CEP152: variants seen among roughly 807,000 people sequenced by gnomAD.
CEP152 encodes the protein centrosomal protein of 152 kDa.
Under a neutral mutation model 188.9 loss-of-function variants are expected in CEP152, and 132 were observed. The observed-to-expected ratio is 0.70, with a 90% CI of 0.61 to 0.81. The LOEUF (loss-of-function observed/expected upper bound fraction) is 0.81. Among genes scored for constraint, CEP152 ranks in the 30% least tolerant of loss-of-function variants. CEP152 has a pLI of 0.00. For synonymous variants in CEP152, 649 were observed against 666.6 expected (o/e 0.97, Z 0.41); for missense variants, 1,914 against 1,969.8 (o/e 0.97, Z 0.54).
In CEP152 at chr15:48,767,363, CCTCAAAGAGCTGCTGCTT is replaced by C; in HGVS notation, c.2101_2118del (p.Lys701_Glu706del). ...AGTTGCAAATGAGTTCTCTCATAAG[CCTCAAAGAGCTGCTGCTT>C]CTCCAAAGCATGCTTTGCTAATAGG... On this transcript the variant is annotated inframe_deletion, in exon 16 of 27. Coordinates refer to ENST00000380950, the MANE Select transcript of CEP152 (RefSeq NM_001194998.2). 2 of 1,614,188 alleles carry C rather than the reference CCTCAAAGAGCTGCTGCTT, an allele frequency of 1.2e-6. No individual in the cohort carries two copies. The highest frequency in any genetic ancestry group is 1.7e-6 in the Non-Finnish European group (2 of 1,180,018).
intron 13 of CEP152, among the ~76,000 whole-genome samples, chr15:48,769,962 C>G (rs1200063818): frequency 6.6e-6 from 1 of 152,160 alleles, no homozygotes; most frequent in Non-Finnish European, 1.5e-5. Flanking sequence ...GAATATCTAA[C>G]AATTGCTTTC....
intron 17 of CEP152, among the ~76,000 whole-genome samples, chr15:48,765,316 C>T (rs193162487): frequency 4.6e-5 from 7 of 152,174 alleles, no homozygotes; most frequent in African/African-American, 1.2e-4. Flanking sequence ...TAGAACTATA[C>T]GCCCAGTGGT....
intron 24 of CEP152, among the ~76,000 whole-genome samples, chr15:48,743,970 A>G (rs2140579774): frequency 6.6e-6 from 1 of 152,346 alleles, no homozygotes; most frequent in Non-Finnish European, 1.5e-5. Flanking sequence ...TTAACTTTTC[A>G]GTTTAATACT....
At chr15:48,783,155 G>A (rs1261665146) in intron 10 of CEP152, 1 of 152,132 alleles carries the variant, frequency 6.6e-6, no homozygotes, top group African/African-American at 2.4e-5. Context: ...CTACTTACCA[G>A]CAAACAGGGA....
chr15:48,765,127 C>G lies in CEP152; in HGVS notation c.2280+1933G>C, dbSNP rs1268787388. The stretch of plus-strand genomic sequence containing the variant: ...GCTTATATAATTCTATAGTAAAAAA[C>G]TAATGAATTCCCAGAGAGGGAAGAA... On this transcript the variant is annotated intron_variant, in intron 17 of 26. Coordinates refer to ENST00000380950, the MANE Select transcript of CEP152 (RefSeq NM_001194998.2). Among the ~76,000 whole-genome samples the G allele has an allele frequency of 2.0e-5, 3 of 152,012 alleles. No homozygotes were observed. The East Asian group carries it at 5.8e-4, about 29-fold the overall frequency.
intron 2 of CEP152, among the ~76,000 whole-genome samples, chr15:48,798,441 C>G (rs1897465177): frequency 6.6e-6 from 1 of 152,084 alleles, no homozygotes; most frequent in Non-Finnish European, 1.5e-5. Context: ...GGGGAATTGA[C>G]AATTAGGCAT....
At chr15:48,745,170 A>T (rs779746463) in intron 22 of CEP152, among the ~76,000 whole-genome samples, 178 bp from the exon 23 acceptor site, 75 of 151,840 alleles carry the variant, frequency 4.9e-4, no homozygotes, top group Non-Finnish European at 1.0e-3. Context: ...TTTTCTCAGC[A>T]CTTAAAATCT....
At chr15:48,764,673 C>G (rs1894927716) in intron 17 of CEP152, among the ~76,000 whole-genome samples, 1 of 152,106 alleles carries the variant, frequency 6.6e-6, no homozygotes, top group Non-Finnish European at 1.5e-5. Flanking sequence ...TTTTTTCCCC[C>G]TTTCTCTCAA....
At position 48,772,314 on chromosome 15, in the gene CEP152, G is replaced by A. The variant is rs536322494; in HGVS notation, c.1782+173C>T. On this transcript the variant is annotated intron_variant, in intron 13 of 26. Transcript: ENST00000380950. The stretch of plus-strand genomic sequence containing the variant: ...TGGTCCCAGCTACTCAGGAGGCTGA[G>A]GTGGGAGCATCGCTTTAGCCTGGGA... 1.3e-4 allele frequency among the ~76,000 whole-genome samples: 20 copies of A among 152,232 alleles called. No homozygotes were observed. The East Asian group carries it at 3.1e-3, about 24-fold the overall frequency.
At chr15:48,746,515 C>G (rs887651774) in intron 22 of CEP152, among the ~76,000 whole-genome samples, 3 of 152,098 alleles carry the variant, frequency 2.0e-5, no homozygotes, top group African/African-American at 7.2e-5. Flanking sequence ...AAATGAATTG[C>G]AGTTGTTAAA....
In CEP152 at chr15:48,772,692, C is replaced by T. The variant is rs199773611; in HGVS notation, c.1578-1G>A. 85 of 1,612,234 alleles carry T rather than the reference C, an allele frequency of 5.3e-5. No individual in the cohort carries two copies. The highest frequency in any genetic ancestry group is 6.8e-5 in the Non-Finnish European group (80 of 1,178,594). ...ATTTGGGTCTTCTTCTTGTACAATGCTAATGGAGAAATTGTGATTTTTAAC... is the reference window on the plus strand; with the variant it reads ...ATTTGGGTCTTCTTCTTGTACAATGTTAATGGAGAAATTGTGATTTTTAAC... On this transcript the variant is annotated splice_acceptor_variant, in intron 12 of 26. Transcript: ENST00000380950. LOFTEE classifies it high-confidence loss of function.
chr15:48,785,531 T>C (rs557921981), intron 9 of CEP152, among the ~76,000 whole-genome samples: 1 of 152,112 alleles, frequency 6.6e-6, no homozygotes, highest in African/African-American at 2.4e-5. Flanking sequence ...ACAGCTAATA[T>C]TTATATTCTG....
intron 2 of CEP152, chr15:48,729,706 T>C (rs1222824865): frequency 4.6e-5 from 7 of 152,112 alleles, no homozygotes; most frequent in African/African-American, 1.4e-4. Context: ...ATAATCTTCA[T>C]GGTTAAGGAA....
chr15:48,793,234 C>G (rs776900736), intron 7 of CEP152, 87 bp downstream of exon 7: 16 of 1,523,886 alleles, frequency 1.0e-5, no homozygotes, highest in African/African-American at 1.4e-5. Flanking sequence ...TGTTTTTACT[C>G]TCTAAGCTTC....
chr15:48,770,135 A>G (rs1895420795), intron 13 of CEP152, among the ~76,000 whole-genome samples: 1 of 152,166 alleles, frequency 6.6e-6, no homozygotes, highest in Non-Finnish European at 1.5e-5. Flanking sequence ...TGGGGGTTAC[A>G]AAGATTTTAA....
At chr15:48,797,828 T>G in intron 3 of CEP152, 98 bp from the exon 4 acceptor site, 2 of 1,526,968 alleles carry the variant, frequency 1.3e-6, no homozygotes, top group Non-Finnish European at 1.8e-6. Flanking sequence ...CCTTCCAATC[T>G]TCACCCAAAA....
At chr15:48,791,779 A>T (rs1897001824) in intron 7 of CEP152, among the ~76,000 whole-genome samples, 1 of 152,032 alleles carries the variant, frequency 6.6e-6, no homozygotes, top group Non-Finnish European at 1.5e-5. Flanking sequence ...GGCCTCCCAA[A>T]GTGCTGGGAT....
At chr15:48,770,228 G>A (rs1007052723) in intron 13 of CEP152, among the ~76,000 whole-genome samples, 7 of 152,030 alleles carry the variant, frequency 4.6e-5, no homozygotes, top group African/African-American at 9.7e-5. Context: ...CTTGTAATCC[G>A]AGCACTTTGG....
chr15:48,756,376 T>G lies in CEP152; in HGVS notation c.2872A>C (p.Ser958Arg). Residue 958 changes from serine (S) to arginine (R), a missense_variant, in exon 20 of 27, where the codon AGT becomes CGT. Coordinates refer to ENST00000380950, the MANE Select transcript of CEP152 (RefSeq NM_001194998.2). ...TCTTGCTTTTCTTTGTTCCATTCAC[T>G]CCGAGCCTTAGCTAACTCAGCCCTG... ...VIRAELAKAR[S>R]EWNKEKQEEI... 1.2e-6 allele frequency: 2 copies of G among 1,602,806 alleles called. No individual in the cohort carries two copies. The highest frequency in any genetic ancestry group is 1.1e-5 in the South Asian group (1 of 88,608).
Sources: allele counts gnomAD v4.1 joint callset (sites outside exome capture counted in the v4.1 genomes callset), GRCh38; gene constraint gnomAD v4.1.1; transcripts MANE v1.5; gene names NCBI Gene and HGNC (gene_info 2026-07-23, HGNC 2026-07-21).